The following SND1 variants were observed in gnomAD, a reference collection of about 807,000 sequenced individuals.
The protein encoded by SND1 is staphylococcal nuclease and tudor domain containing 1, also known as staphylococcal nuclease domain-containing protein 1.
Under a neutral mutation model 121.7 loss-of-function variants are expected in SND1, and 38 were observed. That is an observed-to-expected ratio of 0.31 (90% CI 0.24 to 0.41). SND1 has a LOEUF of 0.41. SND1 is among the 10% of genes least tolerant of loss of function. The pLI is 1.00. For synonymous variants in SND1, 401 were observed against 447.4 expected (o/e 0.90, Z 1.31); for missense variants, 868 against 1,184.6 (o/e 0.73, Z 3.92).
At chr7:127,825,562 C>T (rs762819974) in intron 11 of SND1, among the ~76,000 whole-genome samples, 3 of 151,926 alleles carry the variant, frequency 2.0e-5, no homozygotes, top group Non-Finnish European at 4.4e-5. Context: ...TGTGTGCCAC[C>T]ATGCCCAGCT....
chr7:127,784,299 C>G (rs567962140), intron 10 of SND1, among the ~76,000 whole-genome samples: 1 of 152,172 alleles, frequency 6.6e-6, no homozygotes, highest in African/African-American at 2.4e-5. Flanking sequence ...ACGTCTCTGC[C>G]GGGCAAACAA....
At chr7:127,701,004 G>A (rs1796090560) in intron 4 of SND1, among the ~76,000 whole-genome samples, 159 bp from the exon 5 acceptor site, 5 of 152,140 alleles carry the variant, frequency 3.3e-5, no homozygotes, top group Admixed American at 3.3e-4. Context: ...TGCAATCATG[G>A]TGATTTTCTG....
chr7:127,956,498 G>A (rs1265197946), intron 15 of SND1, among the ~76,000 whole-genome samples: 1 of 152,216 alleles, frequency 6.6e-6, no homozygotes, highest in Admixed American at 6.5e-5. Flanking sequence ...TAAAGGTGAG[G>A]TGAGGTTACA....
At chr7:128,045,781 A>G (rs1442200797) in intron 16 of SND1, among the ~76,000 whole-genome samples, 1 of 152,082 alleles carries the variant, frequency 6.6e-6, no homozygotes, top group Non-Finnish European at 1.5e-5. Context: ...CTATGCTGCC[A>G]TTCTCTCCCC....
At chr7:127,807,353 G>A (rs1199339826) in intron 10 of SND1, 131 bp from the exon 11 acceptor site, 1 of 645,536 alleles carries the variant, frequency 1.5e-6, no homozygotes, top group Non-Finnish European at 2.7e-6. Context: ...CATTTATTAT[G>A]TGTCTTAACA....
At chr7:127,719,236 C>A (rs891060485) in intron 9 of SND1, among the ~76,000 whole-genome samples, 1 of 152,078 alleles carries the variant, frequency 6.6e-6, no homozygotes, top group East Asian at 1.9e-4. Flanking sequence ...TCTTTTTGGT[C>A]AATTGTCCAA....
intron 12 of SND1, 110 bp downstream of exon 12, chr7:127,844,534 A>C: frequency 3.7e-6 from 3 of 809,144 alleles, no homozygotes; most frequent in Non-Finnish European, 5.8e-6. Flanking sequence ...TCCTGCTCTT[A>C]ACTCAGTGGT....
chr7:128,037,172 A>G (rs1043676478), intron 16 of SND1, among the ~76,000 whole-genome samples: 1 of 152,210 alleles, frequency 6.6e-6, no homozygotes, highest in Non-Finnish European at 1.5e-5. Flanking sequence ...TCTGGAGGCT[A>G]AAAGTTCAAA....
chr7:128,056,500 C>T (rs1227906567), intron 16 of SND1, among the ~76,000 whole-genome samples: 1 of 152,250 alleles, frequency 6.6e-6, no homozygotes, highest in South Asian at 2.1e-4. Context: ...TGATTGGCAT[C>T]TGTATTTCCA....
intron 16 of SND1, among the ~76,000 whole-genome samples, chr7:128,054,327 G>A (rs996260995): frequency 1.3e-5 from 2 of 152,214 alleles, no homozygotes; most frequent in Non-Finnish European, 2.9e-5. Flanking sequence ...AGGTGGCCAG[G>A]AACAGAGGTT....
At chr7:127,689,744 A>G (rs1795878456) in intron 2 of SND1, among the ~76,000 whole-genome samples, 1 of 152,148 alleles carries the variant, frequency 6.6e-6, no homozygotes, top group Non-Finnish European at 1.5e-5. Flanking sequence ...GAAATATTTG[A>G]TAGCTGCAGA....
chr7:128,060,477 G>A (rs1422848241), intron 16 of SND1, among the ~76,000 whole-genome samples: 2 of 152,070 alleles, frequency 1.3e-5, no homozygotes, highest in African/African-American at 4.8e-5. Flanking sequence ...ATTTTTTCCT[G>A]TCTTCTCTGC....
At chr7:127,979,344 G>A (rs1418366991) in intron 15 of SND1, among the ~76,000 whole-genome samples, 1 of 152,232 alleles carries the variant, frequency 6.6e-6, no homozygotes, top group Non-Finnish European at 1.5e-5. Context: ...GCAATGGCGA[G>A]AGCACACTTG....
intron 15 of SND1, among the ~76,000 whole-genome samples, chr7:127,945,505 T>A (rs1214961654): frequency 6.6e-6 from 1 of 151,792 alleles, no homozygotes; most frequent in Admixed American, 6.6e-5. Flanking sequence ...AAAAAAAAAT[T>A]TTTTTTTAGA....
intron 16 of SND1, among the ~76,000 whole-genome samples, chr7:127,991,414 T>G (rs1309618554): frequency 6.6e-6 from 1 of 152,238 alleles, no homozygotes; most frequent in African/African-American, 2.4e-5. Context: ...GGGGCCAATT[T>G]TCTTTGAACA....
intron 16 of SND1, among the ~76,000 whole-genome samples, chr7:128,066,451 G>C (rs1562887829): frequency 6.6e-6 from 1 of 152,330 alleles, no homozygotes; most frequent in African/African-American, 2.4e-5. Context: ...TGGGGGATTA[G>C]GAGCAGAGGC....
intron 11 of SND1, among the ~76,000 whole-genome samples, chr7:127,823,268 T>C (rs576920305): frequency 2.9e-4 from 44 of 152,180 alleles, no homozygotes; most frequent in Non-Finnish European, 5.7e-4. Flanking sequence ...TTACAGTCTA[T>C]TGCGTGTCCC....
intron 12 of SND1, among the ~76,000 whole-genome samples, chr7:127,852,403 G>C (rs1035872175): frequency 6.7e-6 from 1 of 149,016 alleles, no homozygotes; most frequent in Admixed American, 6.7e-5. Context: ...CAGGAGAATC[G>C]CTTGAACCCT....
intron 1 of SND1, among the ~76,000 whole-genome samples, chr7:127,653,613 A>G (rs1054470664): frequency 2.6e-5 from 4 of 152,204 alleles, no homozygotes; most frequent in African/African-American, 4.8e-5. Flanking sequence ...GTTGGAGATC[A>G]GCCTGGGCAA....
Sources: gnomAD v4.1 joint callset for allele counts (sites outside exome capture counted in the v4.1 genomes callset) on GRCh38, gnomAD v4.1.1 for gene constraint, MANE v1.5 for transcripts, NCBI Gene and HGNC (gene_info 2026-07-23, HGNC 2026-07-21) for gene names.